Variants in ABCA7 observed in about 807,000 individuals in gnomAD.
ABCA7 encodes phospholipid-transporting ATPase ABCA7.
A neutral mutation model predicts 227.6 loss-of-function variants in ABCA7; 261 were observed. The ratio of observed to expected loss-of-function variants is 1.15; its 90% CI spans 1.04 to 1.27. ABCA7 has a LOEUF of 1.27. Ranked by LOEUF, ABCA7 falls within the 50% of genes most tolerant of loss-of-function variation. The pLI, the probability that ABCA7 is intolerant of heterozygous loss-of-function variation, is 0.00. For missense variants in ABCA7, 3,331 were observed against 2,924.5 expected, an observed-to-expected ratio of 1.14 and a Z score of -3.21; for synonymous variants, 1,488 against 1,279.7, an observed-to-expected ratio of 1.16 and a Z score of -3.47.
At chr19:1,042,598 C>A in intron 6 of ABCA7, 148 bp from the exon 7 acceptor site, 3 of 1,016,482 alleles carry the variant, frequency 3.0e-6, no homozygotes, top group Non-Finnish European at 4.5e-6. Context: ...GTGAGATCTC[C>A]AATGAGTCCC....
chr19:1,042,366 T>C lies in ABCA7; in HGVS notation c.467T>C (p.Val156Ala), dbSNP rs933695513. The C allele has an allele frequency of 3.1e-6, 5 of 1,603,830 alleles. No individual in the cohort carries two copies. The African/African-American group carries it at 4.0e-5, about 13-fold the overall frequency. ...QSPLEPPMLD[V>A]AELLTSLLRT... ...CCACTGGAACCACCCATGCTGGATG[T>C]CGCGGAGCTGCTGACGTCACTGCTG... is the stretch of plus-strand genomic sequence containing the variant. Residue 156 changes from valine (V) to alanine (A), a missense_variant, in exon 6 of 47, where the codon GTC becomes GCC. Coordinates refer to ENST00000263094, the MANE Select transcript of ABCA7 (RefSeq NM_019112.4).
rs758537501 is a variant in ABCA7 at position 1,046,950 on chromosome 19, C to G, written c.1771C>G (p.Leu591Val). ...CGCCATGGGGCTCAGCCGCGCGGTG[C>G]TCTGGCTAGGCTGGTTCCTCAGCTG... ...MRAMGLSRAV[L>V]WLGWFLSCLG... Residue 591 changes from leucine (L) to valine (V), a missense_variant, in exon 14 of 47, where the codon CTC becomes GTC. Physicochemically the swap from Leu to Val is conservative, Grantham distance 32 (BLOSUM62 1). Transcript: ENST00000263094. 2 of 1,570,912 alleles carry G rather than the reference C, an allele frequency of 1.3e-6. No individual in the cohort carries two copies. Among genetic ancestry groups the G allele is most frequent in the South Asian group, 2.3e-5 (2 of 86,834 alleles).
intron 9 of ABCA7, 40 bp from the exon 10 acceptor site, chr19:1,043,685 A>G: frequency 1.9e-6 from 3 of 1,595,402 alleles, no homozygotes; most frequent in Non-Finnish European, 2.6e-6. Flanking sequence ...GGGTCCTCAG[A>G]GGAGGAGAGG....
At position 1,047,199 on chromosome 19, in the gene ABCA7, C is replaced by T; in HGVS notation, c.1888C>T (p.Leu630=). ...LPYSHPGVVF[L]FLAAFAVATV... is the part of the protein sequence containing the mutation. ...CTACAGCCACCCGGGCGTGGTCTTC[C>T]TGTTCTTGGCAGCCTTCGCGGTGGC... The change falls in exon 15 of 47, where the codon CTG becomes TTG. Residue 630 remains leucine, a synonymous_variant. Coordinates refer to ENST00000263094, the MANE Select transcript of ABCA7 (RefSeq NM_019112.4). 6.2e-7 allele frequency: 1 copy of T among 1,606,164 alleles called. No homozygotes were observed. The highest frequency in any genetic ancestry group is 8.5e-7 in the Non-Finnish European group (1 of 1,178,150).
At chr19:1,048,495 TCAAAAAAAAAAAAA>T (rs1246749379) in intron 16 of ABCA7, among the ~76,000 whole-genome samples, 2 of 20,804 alleles carry the variant, frequency 9.6e-5, no homozygotes, top group African/African-American at 2.4e-4. Context: ...AAACTCAGTC[TCAAAAAAAAAAAAA>T]CAAAAAAAAA....
chr19:1,044,650 G>C lies in ABCA7; in HGVS notation c.1121G>C (p.Arg374Pro), dbSNP rs751607002. Residue 374 changes from arginine (R) to proline (P), a missense_variant, in exon 11 of 47, where the codon CGA (arginine) becomes CCA (proline). By Grantham distance (103) the Arg-to-Pro change is moderately radical (BLOSUM62 -2). Transcript: ENST00000263094. ...GGCCGGGACCACATGGAGGCCCTGC[G>C]ATCCTTTCTGGACCCTGGGAGCGGT... ...PGGRDHMEALRSFLDPGSGGY... is the reference protein window; with the variant it reads ...PGGRDHMEALPSFLDPGSGGY... The C allele has an allele frequency of 8.7e-6, 14 of 1,613,176 alleles. No homozygotes were observed. Among genetic ancestry groups the C allele is most frequent in the Non-Finnish European group, 1.2e-5 (14 of 1,179,972 alleles).
At position 1,043,183 on chromosome 19, in the gene ABCA7, A is replaced by ACG; in HGVS notation, c.723_724dup (p.Glu242AlafsTer6). On this transcript the variant is annotated frameshift_variant, in exon 8 of 47. Coordinates refer to ENST00000263094, the MANE Select transcript of ABCA7 (RefSeq NM_019112.4). LOFTEE classifies it high-confidence loss of function. Reference sequence around the variant, plus strand: ...ACAGTGGGCCCCTCCCTCAACTGGTACGAGGCTAGTGACCTGATGGAGCTG... The same window carrying ACG: ...ACAGTGGGCCCCTCCCTCAACTGGTACGCGAGGCTAGTGACCTGATGGAGCTG... 6.2e-7 allele frequency: 1 copy of ACG among 1,610,496 alleles called. No homozygotes were observed. The highest frequency in any genetic ancestry group is 8.5e-7 in the Non-Finnish European group (1 of 1,178,034).
In ABCA7 at chr19:1,043,206, C is replaced by G; in HGVS notation, c.745C>G (p.Leu249Val). 6.2e-7 allele frequency: 1 copy of G among 1,608,650 alleles called. No individual in the cohort carries two copies. The highest frequency in any genetic ancestry group is 8.5e-7 in the Non-Finnish European group (1 of 1,176,516). The stretch of plus-strand genomic sequence containing the variant: ...GTACGAGGCTAGTGACCTGATGGAG[C>G]TGGTGGGGCAGGAGCCAGAATCCGC... The part of the protein sequence containing the change: ...NWYEASDLME[L>V]VGQEPESALP... The change falls in exon 8 of 47, where the codon CTG becomes GTG. Residue 249 changes from leucine to valine, a missense_variant. Transcript: ENST00000263094.
chr19:1,047,337 G>C lies in ABCA7; in HGVS notation c.2026G>C (p.Ala676Pro), dbSNP rs59851484. ...SLYLPYVLCVAWRDRLPAGGR... is the reference protein window; with the variant it reads ...SLYLPYVLCVPWRDRLPAGGR... ...CTACCTGCCCTACGTGCTGTGTGTGGCTTGGCGGGACCGGCTGCCCGCGGG... is the reference window on the plus strand; with the variant it reads ...CTACCTGCCCTACGTGCTGTGTGTGCCTTGGCGGGACCGGCTGCCCGCGGG... The change falls in exon 15 of 47, where the codon GCT (alanine) becomes CCT (proline). Residue 676 changes from alanine to proline, a missense_variant. By Grantham distance (27) the Ala-to-Pro change is conservative. Coordinates refer to ENST00000263094, the MANE Select transcript of ABCA7 (RefSeq NM_019112.4). 2 of 1,589,694 alleles carry C rather than the reference G, an allele frequency of 1.3e-6. No homozygotes were observed. The highest frequency in any genetic ancestry group is 1.7e-6 in the Non-Finnish European group (2 of 1,172,028).
At position 1,059,098 on chromosome 19, in the gene ABCA7, G is replaced by A; in HGVS notation, c.5463+13G>A. ...TCCCCCTGGTGAGGTGAGTCCAGGGGTGGAGGCCAGGTGCAGGGACAGTGA... is the reference window on the plus strand; with the variant it reads ...TCCCCCTGGTGAGGTGAGTCCAGGGATGGAGGCCAGGTGCAGGGACAGTGA... On this transcript the variant is annotated intron_variant, in intron 40 of 46. Coordinates refer to ENST00000263094, the MANE Select transcript of ABCA7 (RefSeq NM_019112.4). The A allele has an allele frequency of 6.2e-7, 1 of 1,611,084 alleles. No individual in the cohort carries two copies. Among genetic ancestry groups the A allele is most frequent in the Non-Finnish European group, 8.5e-7 (1 of 1,179,226 alleles).
At position 1,056,287 on chromosome 19, in the gene ABCA7, C is replaced by T; in HGVS notation, c.4417-43C>T. The T allele has an allele frequency of 1.2e-6, 2 of 1,602,620 alleles. No homozygotes were observed. Among genetic ancestry groups the T allele is most frequent in the Non-Finnish European group, 1.7e-6 (2 of 1,173,718 alleles). ...GGTGGGCGTCCTGTCACAGCAAGGT[C>T]CAACCCCATTGCTCTGACCCTATGA... On this transcript the variant is annotated intron_variant, in intron 32 of 46. Coordinates refer to ENST00000263094, the MANE Select transcript of ABCA7 (RefSeq NM_019112.4). The surrounding 1 kb of genome is among the most constrained non-coding windows in gnomAD (Gnocchi z 4.3).
intron 1 of ABCA7, among the ~76,000 whole-genome samples, chr19:1,040,905 T>C (rs1479656680): frequency 6.6e-6 from 1 of 152,130 alleles, no homozygotes; most frequent in Non-Finnish European, 1.5e-5. Context: ...TCGTTGCTGT[T>C]ATCTTCGGAG....
At chr19:1,062,394 C>T (rs2042719618) in intron 42 of ABCA7, 81 bp downstream of exon 42, 2 of 1,555,388 alleles carry the variant, frequency 1.3e-6, no homozygotes, top group African/African-American at 1.3e-5. Flanking sequence ...TGGCCCAATC[C>T]CGCACTCTCT....
intron 10 of ABCA7, among the ~76,000 whole-genome samples, chr19:1,044,282 C>T (rs112630303): frequency 3.1e-5 from 4 of 127,414 alleles, no homozygotes; most frequent in Admixed American, 9.2e-5. Flanking sequence ...GAGTCTCACT[C>T]TGTTGCCCAG....
At chr19:1,060,619 A>G (rs1294288346) in intron 40 of ABCA7, among the ~76,000 whole-genome samples, 3 of 150,770 alleles carry the variant, frequency 2.0e-5, no homozygotes, top group Non-Finnish European at 4.4e-5. Flanking sequence ...TCCCAGGTTC[A>G]GGCGATTCTC....
intron 19 of ABCA7, 45 bp from the exon 20 acceptor site, chr19:1,051,110 C>A: frequency 7.4e-6 from 12 of 1,611,174 alleles, no homozygotes; most frequent in Non-Finnish European, 9.3e-6. Flanking sequence ...CCCTCTGGGA[C>A]TCTGCCTGCC....
At chr19:1,040,859 C>A (rs2039959316) in intron 1 of ABCA7, among the ~76,000 whole-genome samples, 1 of 152,154 alleles carries the variant, frequency 6.6e-6, no homozygotes, top group Non-Finnish European at 1.5e-5. Context: ...TCCAGCACTT[C>A]CCCTGGGCGT....
intron 6 of ABCA7, 167 bp downstream of exon 6, chr19:1,042,564 T>C: frequency 9.7e-7 from 1 of 1,034,182 alleles, no homozygotes; most frequent in Non-Finnish European, 1.5e-6. Context: ...AGAGTGTGTC[T>C]GACCCAGTGA....
rs544448889 is a variant in ABCA7 at position 1,063,821 on chromosome 19, C to G, written c.5909C>G (p.Ala1970Gly). ...CGCTTCCTTTGGAACAGCCTTTTGG[C>G]CGTGGTGCGGGAGGGCCGTTCAGTG... ...ARRFLWNSLLAVVREGRSVML... is the reference protein window; with the variant it reads ...ARRFLWNSLLGVVREGRSVML... Residue 1970 changes from alanine to glycine, a missense_variant, in exon 44 of 47, where the codon GCC becomes GGC. Ala to Gly is a moderately conservative substitution (Grantham distance 60, BLOSUM62 0). Coordinates refer to ENST00000263094, the MANE Select transcript of ABCA7 (RefSeq NM_019112.4). 45 of 1,544,324 alleles carry G rather than the reference C, an allele frequency of 2.9e-5. No homozygotes were observed. The highest frequency in any genetic ancestry group is 3.3e-4 in the Middle Eastern group (2 of 5,980).
Sources: gnomAD v4.1 joint callset for allele counts (sites outside exome capture counted in the v4.1 genomes callset) on GRCh38, gnomAD v4.1.1 for gene constraint, Gnocchi (gnomAD v3.1) non-coding constraint, MANE v1.5 for transcripts, NCBI Gene and HGNC (gene_info 2026-07-23, HGNC 2026-07-21) for gene names.